KCNAB2: variants seen among roughly 807,000 people sequenced by gnomAD.
KCNAB2 encodes voltage-gated potassium channel subunit beta-2.
In KCNAB2, 29 loss-of-function variants were observed where a neutral mutation model predicts 63.6. That is an observed-to-expected ratio of 0.46 (90% CI 0.34 to 0.62). The LOEUF is 0.62. KCNAB2 is among the 20% of genes least tolerant of loss of function. The pLI is 0.01. For synonymous variants in KCNAB2, 222 were observed against 224.2 expected (o/e 0.99, Z 0.09); for missense variants, 359 against 563.9 (o/e 0.64, Z 3.68).
At chr1:6,043,411 TC>T (rs767147272), upstream of KCNAB2, among the ~76,000 whole-genome samples, 37 of 152,006 alleles carry the variant, frequency 2.4e-4, no homozygotes, top group African/African-American at 7.2e-4. Flanking sequence ...CAACATGTTG[TC>T]CCCCCCGCCG....
chr1:6,079,133 C>T (rs868735799), intron 4 of KCNAB2, among the ~76,000 whole-genome samples: 3 of 152,190 alleles, frequency 2.0e-5, no homozygotes, highest in African/African-American at 4.8e-5. Flanking sequence ...CGAGACCTCC[C>T]GGGAGCTGAT....
chr1:6,094,294 C>T, intron 10 of KCNAB2, 106 bp from the exon 11 acceptor site: 1 of 797,054 alleles, frequency 1.3e-6, no homozygotes, highest in Non-Finnish European at 2.1e-6. Flanking sequence ...ATCTTCGCAG[C>T]CCCTGTCCCT....
At position 6,098,501 on chromosome 1, in the gene KCNAB2, C is replaced by T. The variant is rs1206993495; in HGVS notation, c.1175C>T (p.Ser392Leu). ...IGAIQVLPKL[S>L]SSIIHEIDSI... ...TGCACGCAGGTCCTTCCGAAACTGTCATCTTCCATTATCCACGAGATTGAT... is the reference window on the plus strand; with the variant it reads ...TGCACGCAGGTCCTTCCGAAACTGTTATCTTCCATTATCCACGAGATTGAT... Residue 392 changes from serine to leucine, a missense_variant, in exon 16 of 16, where the codon TCA becomes TTA. Coordinates refer to ENST00000378083, the MANE Select transcript of KCNAB2 (RefSeq NM_001199862.2). 3 of 1,613,814 alleles carry T rather than the reference C, an allele frequency of 1.9e-6. No homozygotes were observed. The highest frequency in any genetic ancestry group is 1.7e-6 in the Non-Finnish European group (2 of 1,179,950).
chr1:6,005,859 C>A (rs1391702586), intron 1 of KCNAB2, among the ~76,000 whole-genome samples: 1 of 151,784 alleles, frequency 6.6e-6, no homozygotes, highest in Admixed American at 6.6e-5. Context: ...GGGCTGGCAC[C>A]CTGGGGCTCT....
rs1056895182 is a variant in KCNAB2, at chr1:6,003,079, G to A, written c.-53+10291G>A. Reference sequence around the variant, plus strand: ...GACCGCAGCAGACGCCTGATCCTGCGCCCCAGGCGACCCGTTCACGGGGCG... The same window carrying A: ...GACCGCAGCAGACGCCTGATCCTGCACCCCAGGCGACCCGTTCACGGGGCG... On this transcript the variant is annotated intron_variant, in intron 1 of 16. Coordinates refer to the KCNAB2 transcript ENST00000341524. The surrounding 1 kb of genome is among the most constrained non-coding windows in gnomAD (Gnocchi z 4.1). Among the ~76,000 whole-genome samples the A allele has an allele frequency of 1.3e-5, 2 of 152,194 alleles. No homozygotes were observed. Among genetic ancestry groups the A allele is most frequent in the African/African-American group, 2.4e-5 (1 of 41,440 alleles).
chr1:6,047,971 C>T (rs898565339), intron 1 of KCNAB2, among the ~76,000 whole-genome samples: 1 of 152,236 alleles, frequency 6.6e-6, no homozygotes, highest in Non-Finnish European at 1.5e-5. Flanking sequence ...CAGGTCTGCT[C>T]CCAGGGCTGC....
chr1:6,088,860 GGGTCCCTAC>G, intron 7 of KCNAB2, 139 bp from the exon 8 acceptor site: 1 of 630,460 alleles, frequency 1.6e-6, no homozygotes, highest in Non-Finnish European at 2.7e-6. Flanking sequence ...CTGTAGCCTC[GGGTCCCTAC>G]CCCCAAAGTG....
upstream of KCNAB2, among the ~76,000 whole-genome samples, chr1:6,029,361 C>G (rs1466449787): frequency 6.6e-6 from 1 of 151,992 alleles, no homozygotes; most frequent in Non-Finnish European, 1.5e-5. Context: ...CCAAGGAGAC[C>G]AGCAGCCAGT....
At chr1:5,993,047 C>G (rs1311343560) in intron 1 of KCNAB2, among the ~76,000 whole-genome samples, 1 of 141,036 alleles carries the variant, frequency 7.1e-6, no homozygotes, top group African/African-American at 2.6e-5. Context: ...CCCTTCAGCT[C>G]GCATCCCTGA....
At chr1:6,090,257 A>G (rs1049937821) in intron 8 of KCNAB2, 132 bp from the exon 9 acceptor site, 6 of 591,062 alleles carry the variant, frequency 1.0e-5, no homozygotes, top group Non-Finnish European at 1.8e-5. Flanking sequence ...GACCTCCATC[A>G]GCTTCTGGAA....
intron 4 of KCNAB2, among the ~76,000 whole-genome samples, chr1:6,081,786 C>G (rs1664232168): frequency 6.6e-6 from 1 of 152,220 alleles, no homozygotes; most frequent in African/African-American, 2.4e-5. Flanking sequence ...CACAGTACGA[C>G]CTCATCTTCG....
chr1:6,013,116 A>G lies in KCNAB2; in HGVS notation c.-53+20328A>G, dbSNP rs545910513. Among the ~76,000 whole-genome samples, 30 of 152,200 alleles carry G rather than the reference A, an allele frequency of 2.0e-4. 1 individual carries two copies. The highest frequency in any genetic ancestry group is 7.2e-4 in the African/African-American group (30 of 41,516). On this transcript the variant is annotated intron_variant, in intron 1 of 16. Transcript: ENST00000341524. ...CCTCATGCTGGCATCTGTGTTATCTATAAGCAGAAAGCTGCTTGTTCAGAG... is the reference window on the plus strand; with the variant it reads ...CCTCATGCTGGCATCTGTGTTATCTGTAAGCAGAAAGCTGCTTGTTCAGAG...
intron 15 of KCNAB2, 48 bp downstream of exon 15, chr1:6,097,405 C>T (rs375829410): frequency 5.2e-6 from 8 of 1,548,536 alleles, no homozygotes; most frequent in Admixed American, 2.0e-5. Context: ...CCAGCCCGAG[C>T]CCCGTCCAGT....
chr1:6,091,457 T>G (rs951684676), intron 10 of KCNAB2, 150 bp downstream of exon 10: 1 of 633,412 alleles, frequency 1.6e-6, no homozygotes, highest in Admixed American at 2.9e-5. Context: ...GAGAACACCT[T>G]GCAAGTGAAG....
At chr1:6,030,536 T>C (rs1021723681), upstream of KCNAB2, among the ~76,000 whole-genome samples, 2 of 151,922 alleles carry the variant, frequency 1.3e-5, no homozygotes, top group Non-Finnish European at 2.9e-5. Flanking sequence ...TATGTGTGTG[T>C]ACATATGTGT....
rs201718200 is a variant in KCNAB2 at position 6,085,260 on chromosome 1, G to A, written c.425+12G>A. On this transcript the variant is annotated intron_variant, in intron 6 of 15. Transcript: ENST00000378083. ...AAGAAAGGATGGAGGTAACGGCCCT[G>A]CTCTCTGCGGCCTGTCCCTGGGGTG... 6.2e-7 allele frequency: 1 copy of A among 1,612,802 alleles called. No individual in the cohort carries two copies. The highest frequency in any genetic ancestry group is 1.3e-5 in the African/African-American group (1 of 75,026).
rs2100667924 is a variant in KCNAB2, at chr1:6,074,463, T to C, written c.300+693T>C. Among the ~76,000 whole-genome samples, 1 of 152,318 alleles carries C rather than the reference T, an allele frequency of 6.6e-6. No individual in the cohort carries two copies. Among genetic ancestry groups the C allele is most frequent in the East Asian group, 1.9e-4 (1 of 5,180 alleles). On this transcript the variant is annotated intron_variant, in intron 4 of 15. Coordinates refer to ENST00000378083, the MANE Select transcript of KCNAB2 (RefSeq NM_001199862.2). The surrounding 1 kb of genome is among the most constrained non-coding windows in gnomAD (Gnocchi z 4.9). Reference sequence around the variant, plus strand: ...CATCTCAGAAATGAGAGCAGTGGCATTTGCTCAGACAGCTCTGGGCATCTG... The same window carrying C: ...CATCTCAGAAATGAGAGCAGTGGCACTTGCTCAGACAGCTCTGGGCATCTG...
intron 2 of KCNAB2, among the ~76,000 whole-genome samples, chr1:6,070,186 G>T (rs573761254): frequency 1.3e-5 from 2 of 152,328 alleles, no homozygotes; most frequent in East Asian, 3.9e-4. Flanking sequence ...CCCAGACATT[G>T]CAAGCAAGGT....
intron 1 of KCNAB2, among the ~76,000 whole-genome samples, chr1:6,008,656 A>G (rs1657969618): frequency 6.6e-6 from 1 of 151,746 alleles, no homozygotes; most frequent in South Asian, 2.1e-4. Flanking sequence ...CAGGACACCA[A>G]CATGGGCTGA....
Sources: allele counts gnomAD v4.1 joint callset (sites outside exome capture counted in the v4.1 genomes callset), GRCh38; gene constraint gnomAD v4.1.1; non-coding constraint Gnocchi (gnomAD v3.1); transcripts MANE v1.5; gene names NCBI Gene and HGNC (gene_info 2026-07-23, HGNC 2026-07-21).